Variants in MTF2 observed in about 807,000 individuals in gnomAD.
The protein encoded by MTF2 is metal-response element-binding transcription factor 2.
In MTF2, 11 loss-of-function variants were observed where a neutral mutation model predicts 79.5. That is an observed-to-expected ratio of 0.14 (90% confidence interval 0.09 to 0.23). The LOEUF (loss-of-function observed/expected upper bound fraction) is 0.23, where lower values mean the gene tolerates loss of function less well. MTF2 is among the 10% of genes least tolerant of loss of function. The probability of loss-of-function intolerance (pLI) is 1.00; values close to 1 mark genes in which losing one functional copy is unlikely to be tolerated. For missense variants in MTF2, 486 were observed against 711.2 expected, an observed-to-expected ratio of 0.68 and a Z score of 3.60; for synonymous variants, 208 against 232.8, an observed-to-expected ratio of 0.89 and a Z score of 0.97.
chr1:93,123,895 C>T (rs1656590375), intron 9 of MTF2, among the ~76,000 whole-genome samples: 1 of 151,316 alleles, frequency 6.6e-6, no homozygotes, highest in South Asian at 2.1e-4. Flanking sequence ...ATCAACATCC[C>T]TCCACCATAA....
chr1:93,107,715 T>G (rs1655857382), intron 1 of MTF2, among the ~76,000 whole-genome samples: 1 of 152,186 alleles, frequency 6.6e-6, no homozygotes, highest in African/African-American at 2.4e-5. Context: ...TACCATTTTT[T>G]TTTTCGTTTG....
chr1:93,083,406 T>G (rs988322569), intron 1 of MTF2, among the ~76,000 whole-genome samples: 3 of 152,210 alleles, frequency 2.0e-5, no homozygotes, highest in Non-Finnish European at 4.4e-5. Flanking sequence ...CTTCATATCT[T>G]TTTAGGGTCA....
chr1:93,103,320 A>G (rs1013927151), intron 1 of MTF2, among the ~76,000 whole-genome samples: 24 of 151,600 alleles, frequency 1.6e-4, no homozygotes, highest in South Asian at 2.1e-4. Context: ...AGTTTATATT[A>G]CTGCTTATGT....
chr1:93,088,024 C>G (rs1233309158), intron 1 of MTF2, among the ~76,000 whole-genome samples: 2 of 152,152 alleles, frequency 1.3e-5, no homozygotes, highest in East Asian at 1.9e-4. Flanking sequence ...TACCAAAGAT[C>G]CAGTTCATAC....
At chr1:93,119,595 C>CTGG in intron 8 of MTF2, 194 bp downstream of exon 8, 1 of 522,030 alleles carries the variant, frequency 1.9e-6, no homozygotes. Context: ...ATTAATAAGG[C>CTGG]TGTTCAGTGT....
chr1:93,108,468 A>G (rs192628642), intron 1 of MTF2, among the ~76,000 whole-genome samples: 1 of 152,044 alleles, frequency 6.6e-6, no homozygotes, highest in Admixed American at 6.5e-5. Flanking sequence ...GACAGCACCC[A>G]CTCCCTGCAG....
Position 93,119,408 on chromosome 1 carries a change from G to T in MTF2, c.797+7G>T. 6.3e-7 allele frequency: 1 copy of T among 1,576,898 alleles called. No homozygotes were observed. The stretch of plus-strand genomic sequence containing the variant: ...AACGTCTACCATTACAGTGGTAAGT[G>T]TGGACCTTTCTGTTAAAAGAAAGAA... On this transcript the variant is annotated splice_region_variant and intron_variant, in intron 8 of 14. Coordinates refer to ENST00000370298, the MANE Select transcript of MTF2 (RefSeq NM_007358.4).
rs1246263264 is a variant in MTF2, at chr1:93,137,666, CA to C, written c.*642del. On this transcript the variant is annotated 3_prime_UTR_variant, in exon 15 of 15. Coordinates refer to ENST00000370298, the MANE Select transcript of MTF2 (RefSeq NM_007358.4). ...GTGTGATTATGTGACCTATGCAATACAAATTATGGGAATGGGCAGCTTTGGA... is the reference window on the plus strand; with the variant it reads ...GTGTGATTATGTGACCTATGCAATACAATTATGGGAATGGGCAGCTTTGGA... 1 of 152,084 alleles carries C rather than the reference CA, an allele frequency of 6.6e-6. No homozygotes were observed. The highest frequency in any genetic ancestry group is 1.5e-5 in the Non-Finnish European group (1 of 68,026). 9.4% of individuals were successfully genotyped at this position (152,084 alleles called of 1,614,324 possible). A position where few individuals can be genotyped will look rare whatever the true frequency, so the allele number is the denominator to read the frequency against.
At chr1:93,079,990 C>T (rs1428634372) in intron 1 of MTF2, among the ~76,000 whole-genome samples, 1 of 151,566 alleles carries the variant, frequency 6.6e-6, no homozygotes, top group Non-Finnish European at 1.5e-5. Context: ...GAAGTAGCAG[C>T]TTGGAATCGG....
intron 1 of MTF2, among the ~76,000 whole-genome samples, chr1:93,091,283 G>A (rs1196961654): frequency 6.6e-6 from 1 of 152,028 alleles, no homozygotes; most frequent in Non-Finnish European, 1.5e-5. Flanking sequence ...TACTCTCTGG[G>A]TTATCCTTGT....
At chr1:93,102,339 T>C (rs935680118) in intron 1 of MTF2, among the ~76,000 whole-genome samples, 1 of 152,210 alleles carries the variant, frequency 6.6e-6, no homozygotes, top group Non-Finnish European at 1.5e-5. Context: ...TGGCTCATGC[T>C]TATAATCCCA....
chr1:93,095,394 GC>G (rs1655247505), intron 1 of MTF2, among the ~76,000 whole-genome samples: 1 of 152,124 alleles, frequency 6.6e-6, no homozygotes, highest in Non-Finnish European at 1.5e-5. Context: ...AAGCTGGAGT[GC>G]AATGGTGCAA....
intron 1 of MTF2, among the ~76,000 whole-genome samples, chr1:93,108,329 C>T (rs1571233125): frequency 1.3e-5 from 2 of 152,148 alleles, no homozygotes; most frequent in African/African-American, 4.8e-5. Flanking sequence ...GGTTTACTTA[C>T]TTTCAATCGT....
intron 1 of MTF2, among the ~76,000 whole-genome samples, chr1:93,102,903 G>A (rs925448508): frequency 9.9e-5 from 15 of 152,008 alleles, no homozygotes; most frequent in African/African-American, 2.9e-4. Flanking sequence ...AGGCCGAGGC[G>A]GGCAAATCAC....
At chr1:93,108,475 G>A (rs1157156477) in intron 1 of MTF2, among the ~76,000 whole-genome samples, 2 of 152,150 alleles carry the variant, frequency 1.3e-5, no homozygotes, top group Non-Finnish European at 2.9e-5. Context: ...CCCACTCCCT[G>A]CAGCCTGCTT....
intron 9 of MTF2, among the ~76,000 whole-genome samples, chr1:93,123,530 A>G (rs1397312678): frequency 2.6e-5 from 4 of 152,038 alleles, no homozygotes; most frequent in African/African-American, 9.7e-5. Flanking sequence ...GTAATGATAT[A>G]AGTTGATTGA....
rs1571207153 is a variant in MTF2 at position 93,079,380 on chromosome 1, A to C, written c.-147A>C. The stretch of plus-strand genomic sequence containing the variant: ...CATTCTACCCCCAACCCTTGTCTCC[A>C]AGGACCTCGGTTTGTGCGTGCATAT... On this transcript the variant is annotated 5_prime_UTR_variant, in exon 1 of 15. Transcript: ENST00000370298. 1 of 948,166 alleles carries C rather than the reference A, an allele frequency of 1.1e-6. No individual in the cohort carries two copies. Among genetic ancestry groups the C allele is most frequent in the Non-Finnish European group, 1.7e-6 (1 of 593,960 alleles). The allele number at this position is 948,166 out of a possible 1,614,324, so 58.7% of individuals were successfully genotyped here.
chr1:93,118,226 A>G (rs1656329784), intron 6 of MTF2, 119 bp from the exon 7 acceptor site: 5 of 514,250 alleles, frequency 9.7e-6, no homozygotes, highest in Middle Eastern at 5.2e-4. Context: ...TAGAAATGTG[A>G]TGCTTTAATT....
intron 1 of MTF2, among the ~76,000 whole-genome samples, chr1:93,091,550 CTT>C (rs1655075654): frequency 6.6e-6 from 1 of 152,134 alleles, no homozygotes; most frequent in South Asian, 2.1e-4. Context: ...GATTCCTATA[CTT>C]ACCTTTCATG....
Sources: gnomAD v4.1 joint callset for allele counts (sites outside exome capture counted in the v4.1 genomes callset) on GRCh38, gnomAD v4.1.1 for gene constraint, MANE v1.5 for transcripts, NCBI Gene and HGNC (gene_info 2026-07-23, HGNC 2026-07-21) for gene names.